Variants in DNAH9 observed in about 807,000 individuals in gnomAD.
DNAH9 encodes dynein axonemal heavy chain 9.
In DNAH9, 345 loss-of-function variants were observed where a neutral mutation model predicts 471.6. The observed-to-expected ratio is 0.73, with a 90% CI of 0.67 to 0.80. DNAH9 has a LOEUF of 0.80. Among genes scored for constraint, DNAH9 ranks in the 30% least tolerant of loss-of-function variants. The pLI is 0.00. For synonymous variants in DNAH9, 2,093 were observed against 2,123.6 expected (o/e 0.99, Z 0.40); for missense variants, 5,407 against 5,609.2 (o/e 0.96, Z 1.15).
intron 42 of DNAH9, among the ~76,000 whole-genome samples, chr17:11,797,032 G>A (rs375893346): frequency 3.9e-5 from 6 of 152,172 alleles, no homozygotes; most frequent in South Asian, 4.1e-4. Context: ...CCATAAATGC[G>A]TTAAGATTAC....
intron 61 of DNAH9, among the ~76,000 whole-genome samples, chr17:11,907,276 GC>G (rs1471184420): frequency 6.6e-6 from 1 of 152,090 alleles, no homozygotes; most frequent in Admixed American, 6.6e-5. Context: ...TTCGAGACTA[GC>G]CTGACCAACA....
In DNAH9 at chr17:11,672,737, G is replaced by A. The variant is rs74733662; in HGVS notation, c.3353+2943G>A. On this transcript the variant is annotated intron_variant, in intron 17 of 68. Transcript: ENST00000262442. ...ACATCGTTGACCTCCTCCCTCCAAC[G>A]CCCTTCACTCTACCATACCTCTGCT... Among the ~76,000 whole-genome samples the A allele has an allele frequency of 7.7e-3, 1,170 of 151,772 alleles. 19 individuals are homozygous for A. Among genetic ancestry groups the A allele is most frequent in the African/African-American group, 0.028 (1,138 of 41,364 alleles).
At chr17:11,608,359 G>C in intron 2 of DNAH9, 34 bp downstream of exon 2, 1 of 1,435,938 alleles carries the variant, frequency 7.0e-7, no homozygotes, top group Non-Finnish European at 9.6e-7. Flanking sequence ...ATGGGCCTCT[G>C]AGATATGGGA....
chr17:11,853,789 C>G (rs1236828705), intron 49 of DNAH9, among the ~76,000 whole-genome samples: 1 of 152,192 alleles, frequency 6.6e-6, no homozygotes, highest in Non-Finnish European at 1.5e-5. Flanking sequence ...AAGAACATAG[C>G]TGAGTCTTGG....
chr17:11,788,885 C>G (rs1968968770), intron 41 of DNAH9, among the ~76,000 whole-genome samples: 1 of 151,972 alleles, frequency 6.6e-6, no homozygotes, highest in Admixed American at 6.6e-5. Context: ...TTCTGGGTAC[C>G]TTTTACCTGA....
At position 11,937,429 on chromosome 17, in the gene DNAH9, C is replaced by T. The variant is rs761752236; in HGVS notation, c.12567C>T (p.Thr4189=). 80 of 1,613,980 alleles carry T rather than the reference C, an allele frequency of 5.0e-5. No individual in the cohort carries two copies. The highest frequency in any genetic ancestry group is 6.7e-5 in the African/African-American group (5 of 74,908). Residue 4189 remains threonine, a synonymous_variant, in exon 66 of 69, where the codon ACC becomes ACT. Coordinates refer to ENST00000262442, the MANE Select transcript of DNAH9 (RefSeq NM_001372.4). The surrounding 1 kb of genome is among the most constrained non-coding windows in gnomAD (Gnocchi z 4.1). ...CGAACGCAGAGATTGGCTTCCTGAC[C>T]CAAACCTCAGAAAAGCTCTTCCGCA... ...LHPNAEIGFL[T]QTSEKLFRTV...
At chr17:11,802,255 C>T (rs1050818026) in intron 43 of DNAH9, among the ~76,000 whole-genome samples, 1 of 152,044 alleles carries the variant, frequency 6.6e-6, no homozygotes, top group Non-Finnish European at 1.5e-5. Flanking sequence ...ACACAGATAA[C>T]CTAAGAGTGT....
At position 11,763,623 on chromosome 17, in the gene DNAH9, A is replaced by G; in HGVS notation, c.7170+9A>G. ...CAATGGTCCAAGATCAGGTAAGGAG[A>G]TATGTTGAGCTCAACAACCACACTG... On this transcript the variant is annotated intron_variant, in intron 36 of 68. Coordinates refer to ENST00000262442, the MANE Select transcript of DNAH9 (RefSeq NM_001372.4). The G allele has an allele frequency of 1.9e-6, 3 of 1,613,166 alleles. No individual in the cohort carries two copies. Among genetic ancestry groups the G allele is most frequent in the Non-Finnish European group, 2.5e-6 (3 of 1,179,468 alleles).
At chr17:11,891,562 A>C (rs1283689679) in intron 57 of DNAH9, among the ~76,000 whole-genome samples, 1 of 152,126 alleles carries the variant, frequency 6.6e-6, no homozygotes, top group Non-Finnish European at 1.5e-5. Context: ...ACAGCGTTTC[A>C]CCATGTTGGC....
At chr17:11,888,258 C>T (rs997926475) in intron 57 of DNAH9, among the ~76,000 whole-genome samples, 2 of 152,148 alleles carry the variant, frequency 1.3e-5, no homozygotes, top group Non-Finnish European at 2.9e-5. Flanking sequence ...GCTGGGATTA[C>T]AGGCGTGAGC....
At chr17:11,815,101 G>A (rs560446670) in intron 45 of DNAH9, among the ~76,000 whole-genome samples, 30 of 152,180 alleles carry the variant, frequency 2.0e-4, no homozygotes, top group Admixed American at 7.2e-4. Flanking sequence ...AACCAGGACC[G>A]GTTTGGTTCT....
At chr17:11,622,962 CT>C (rs1347311352) in intron 6 of DNAH9, among the ~76,000 whole-genome samples, 2 of 118,108 alleles carry the variant, frequency 1.7e-5, no homozygotes, top group African/African-American at 6.4e-5. Context: ...CTTTTCTTTT[CT>C]TTTTCTTTTT....
intron 68 of DNAH9, among the ~76,000 whole-genome samples, chr17:11,966,818 T>C (rs1976765461): frequency 6.6e-6 from 1 of 151,864 alleles, no homozygotes; most frequent in Admixed American, 6.6e-5. Context: ...CCCAGCACTT[T>C]GGGAGGATGA....
chr17:11,694,555 C>T, intron 22 of DNAH9, 108 bp downstream of exon 22: 1 of 1,205,184 alleles, frequency 8.3e-7, no homozygotes, highest in Non-Finnish European at 1.2e-6. Flanking sequence ...AGGTTCTGTA[C>T]TTCAGACCTG....
intron 2 of DNAH9, among the ~76,000 whole-genome samples, chr17:11,609,338 T>C (rs1354338588): frequency 6.6e-6 from 1 of 152,246 alleles, no homozygotes; most frequent in Non-Finnish European, 1.5e-5. Context: ...TTAATAAAGA[T>C]ATCCAATCTT....
chr17:11,861,724 G>A (rs1479640923), intron 50 of DNAH9, among the ~76,000 whole-genome samples: 7 of 152,150 alleles, frequency 4.6e-5, no homozygotes, highest in African/African-American at 1.4e-4. Context: ...ATTCTAACTG[G>A]TGTGAGATGA....
intron 53 of DNAH9, 73 bp downstream of exon 53, chr17:11,875,257 T>C: frequency 8.1e-7 from 1 of 1,234,328 alleles, no homozygotes. Flanking sequence ...GAGCAGATTT[T>C]AAGCCCAGTG....
At chr17:11,752,367 C>T (rs528471912) in intron 32 of DNAH9, among the ~76,000 whole-genome samples, 1 of 152,288 alleles carries the variant, frequency 6.6e-6, no homozygotes, top group South Asian at 2.1e-4. Context: ...AGGAGTTGTT[C>T]TTGTTCTTGT....
At chr17:11,640,214 C>A in intron 9 of DNAH9, 56 bp from the exon 10 acceptor site, 5 of 1,040,718 alleles carry the variant, frequency 4.8e-6, no homozygotes, top group Non-Finnish European at 7.2e-6. Context: ...GTTTGCCGAG[C>A]GGAGAGGACT....
Sources: allele counts gnomAD v4.1 joint callset (sites outside exome capture counted in the v4.1 genomes callset), GRCh38; gene constraint gnomAD v4.1.1; non-coding constraint Gnocchi (gnomAD v3.1); transcripts MANE v1.5; gene names NCBI Gene and HGNC (gene_info 2026-07-23, HGNC 2026-07-21).